TGFBR3: variants seen among roughly 807,000 people sequenced by gnomAD.
The protein encoded by TGFBR3 is transforming growth factor beta receptor type 3.
A neutral mutation model predicts 87.9 loss-of-function variants in TGFBR3; 46 were observed. The ratio of observed to expected loss-of-function variants is 0.52; its 90% CI spans 0.41 to 0.67. The LOEUF (loss-of-function observed/expected upper bound fraction) is 0.67, where lower values mean the gene tolerates loss of function less well. TGFBR3 is among the 30% of genes least tolerant of loss of function. The pLI is 0.00. For synonymous variants in TGFBR3, 381 were observed against 391.6 expected (o/e 0.97, Z 0.32); for missense variants, 866 against 1,041.9 (o/e 0.83, Z 2.32).
intron 4 of TGFBR3, among the ~76,000 whole-genome samples, chr1:91,735,831 C>T (rs1672949736): frequency 6.6e-6 from 1 of 152,118 alleles, no homozygotes; most frequent in African/African-American, 2.4e-5. Context: ...TATAAAATAA[C>T]TGATTTTTTC....
At chr1:91,855,188 T>C (rs1449394722) in intron 2 of TGFBR3, among the ~76,000 whole-genome samples, 1 of 152,172 alleles carries the variant, frequency 6.6e-6, no homozygotes, top group Non-Finnish European at 1.5e-5. Context: ...GGAAAAGAAA[T>C]GTGTTTCTCA....
chr1:91,694,886 A>G (rs1470368322), intron 16 of TGFBR3, among the ~76,000 whole-genome samples: 1 of 152,198 alleles, frequency 6.6e-6, no homozygotes, highest in Non-Finnish European at 1.5e-5. Context: ...ACTCCTGCCC[A>G]TAGTTGAAAG....
intron 2 of TGFBR3, among the ~76,000 whole-genome samples, chr1:91,822,648 C>T (rs1486797869): frequency 6.6e-6 from 1 of 152,112 alleles, no homozygotes; most frequent in East Asian, 1.9e-4. Context: ...GAATAAGGGC[C>T]GGGTATGGTG....
At position 91,696,862 on chromosome 1, in the gene TGFBR3, A is replaced by G. The variant is rs138554544; in HGVS notation, c.2330-1083T>C. Among the ~76,000 whole-genome samples the G allele has an allele frequency of 5.3e-4, 80 of 152,236 alleles. 1 individual carries two copies. In the East Asian group the frequency reaches 0.014, roughly 27 times the overall value. On this transcript the variant is annotated intron_variant, in intron 15 of 16. Coordinates refer to ENST00000212355, the MANE Select transcript of TGFBR3 (RefSeq NM_003243.5). ...TTTTTTTTACATTGAAGACTGCCAT[A>G]CACTCCTGTGACCTTTGGGCAGCCC... is the stretch of plus-strand genomic sequence containing the variant.
At chr1:91,779,048 A>C (rs1400985810) in intron 3 of TGFBR3, among the ~76,000 whole-genome samples, 1 of 152,188 alleles carries the variant, frequency 6.6e-6, no homozygotes, top group Non-Finnish European at 1.5e-5. Flanking sequence ...ACTGCAGCAC[A>C]GTGAGCAATG....
chr1:91,886,369 T>A (rs1351173109), upstream of TGFBR3: 2 of 353,360 alleles, frequency 5.7e-6, no homozygotes, highest in Non-Finnish European at 1.1e-5. Flanking sequence ...GAGCCCCGAA[T>A]GCTGCTCGAG....
chr1:91,863,038 G>C (rs6604060), intron 1 of TGFBR3, among the ~76,000 whole-genome samples: 89,576 of 152,028 alleles, frequency 0.59, 26,502 homozygotes, highest in Middle Eastern at 0.69. Context: ...ATTTAAAATG[G>C]CTCTTTGCAA....
At chr1:91,882,084 G>A (rs763074232) in intron 1 of TGFBR3, among the ~76,000 whole-genome samples, 3 of 147,294 alleles carry the variant, frequency 2.0e-5, no homozygotes, top group Admixed American at 1.3e-4. Flanking sequence ...TACATAATAC[G>A]CAAGAAACAA....
intron 2 of TGFBR3, among the ~76,000 whole-genome samples, chr1:91,798,309 T>A (rs1038439145): frequency 3.3e-5 from 5 of 152,172 alleles, no homozygotes; most frequent in Admixed American, 2.0e-4. Context: ...GCCGTTGGCA[T>A]CTCTGTGGGA....
intron 16 of TGFBR3, among the ~76,000 whole-genome samples, chr1:91,694,842 T>A (rs1357912794): frequency 6.6e-6 from 1 of 152,222 alleles, no homozygotes; most frequent in African/African-American, 2.4e-5. Flanking sequence ...ATTTTATACA[T>A]TCTAGTTCTC....
At chr1:91,888,064 C>A (rs1254426900), upstream of TGFBR3, among the ~76,000 whole-genome samples, 1 of 152,142 alleles carries the variant, frequency 6.6e-6, no homozygotes, top group Admixed American at 6.5e-5. Context: ...GTAATTGAAT[C>A]TTGGGGATGA....
chr1:91,775,946 C>A (rs1674551682), intron 3 of TGFBR3, among the ~76,000 whole-genome samples: 1 of 152,184 alleles, frequency 6.6e-6, no homozygotes. Flanking sequence ...CCAAGCTATT[C>A]AGCAATATTT....
At chr1:91,758,991 A>G (rs1317271509) in intron 3 of TGFBR3, among the ~76,000 whole-genome samples, 1 of 152,220 alleles carries the variant, frequency 6.6e-6, no homozygotes, top group South Asian at 2.1e-4. Flanking sequence ...CAACCAAAGC[A>G]TGATTTAGCT....
intron 5 of TGFBR3, 75 bp from the exon 6 acceptor site, chr1:91,730,048 G>A: frequency 1.3e-6 from 2 of 1,539,660 alleles, no homozygotes. Flanking sequence ...GAGGGTGACA[G>A]TGAAACTGAG....
intron 1 of TGFBR3, among the ~76,000 whole-genome samples, chr1:91,878,134 G>C (rs1411876605): frequency 6.6e-6 from 1 of 152,122 alleles, no homozygotes. Context: ...ACTCAGAAGA[G>C]TTTTGTTTTA....
chr1:91,734,247 A>G (rs1672878237), intron 5 of TGFBR3, among the ~76,000 whole-genome samples: 1 of 152,254 alleles, frequency 6.6e-6, no homozygotes, highest in African/African-American at 2.4e-5. Flanking sequence ...CTTTTCTCCA[A>G]TAATTTGTCC....
chr1:91,889,993 G>T (rs999259887), upstream of TGFBR3, among the ~76,000 whole-genome samples: 5 of 152,146 alleles, frequency 3.3e-5, no homozygotes, highest in African/African-American at 1.2e-4. Flanking sequence ...AATATTAACT[G>T]ATTTCTAAGG....
intron 3 of TGFBR3, among the ~76,000 whole-genome samples, chr1:91,770,056 T>C (rs190206046): frequency 2.2e-4 from 34 of 152,236 alleles, no homozygotes; most frequent in Non-Finnish European, 4.1e-4. Flanking sequence ...GTGCCAAAGA[T>C]TTGCTAGGCT....
intron 3 of TGFBR3, among the ~76,000 whole-genome samples, chr1:91,786,751 CA>C (rs11451314): frequency 1.4e-5 from 2 of 142,580 alleles, no homozygotes; most frequent in Non-Finnish European, 1.5e-5. Flanking sequence ...ACTGTGTCTC[CA>C]AAAAAAAAGA....
Sources: allele counts gnomAD v4.1 joint callset (sites outside exome capture counted in the v4.1 genomes callset), GRCh38; gene constraint gnomAD v4.1.1; transcripts MANE v1.5; gene names NCBI Gene and HGNC (gene_info 2026-07-23, HGNC 2026-07-21).